The following SNTG1 variants were observed in gnomAD, a reference collection of about 807,000 sequenced individuals.
SNTG1 encodes syntrophin gamma 1, also known as gamma-1-syntrophin.
Under a neutral mutation model 74.7 loss-of-function variants are expected in SNTG1, and 39 were observed. The observed-to-expected ratio is 0.52, with a 90% CI of 0.40 to 0.68. The LOEUF (loss-of-function observed/expected upper bound fraction) is 0.68, where lower values mean the gene tolerates loss of function less well. Among genes scored for constraint, SNTG1 ranks in the 30% least tolerant of loss-of-function variants. The pLI, the probability that SNTG1 is intolerant of heterozygous loss-of-function variation, is 0.00. For missense variants in SNTG1, 685 were observed against 609.5 expected (o/e 1.12, Z -1.30); for synonymous variants, 254 against 217.1 (o/e 1.17, Z -1.49).
chr8:50,051,465 T>A (rs962342264), intron 1 of SNTG1, among the ~76,000 whole-genome samples: 3 of 152,146 alleles, frequency 2.0e-5, no homozygotes, highest in African/African-American at 4.8e-5. Flanking sequence ...CAAACATGTA[T>A]GCATTGTTTC....
chr8:50,584,562 G>A (rs1336809501), intron 12 of SNTG1, among the ~76,000 whole-genome samples: 2 of 147,982 alleles, frequency 1.4e-5, no homozygotes, highest in African/African-American at 5.0e-5. Flanking sequence ...TCCTGGGCTG[G>A]AGTGCAGTGG....
chr8:50,245,097 G>C (rs1456606495), intron 2 of SNTG1, among the ~76,000 whole-genome samples: 3 of 152,108 alleles, frequency 2.0e-5, no homozygotes, highest in Non-Finnish European at 4.4e-5. Flanking sequence ...TCATCTCAGT[G>C]CATGTGTACG....
chr8:49,958,864 C>T (rs1810426343), intron 1 of SNTG1, among the ~76,000 whole-genome samples: 1 of 152,166 alleles, frequency 6.6e-6, no homozygotes, highest in Admixed American at 6.5e-5. Context: ...AGAAATTTCT[C>T]CATTTGGGTC....
intron 15 of SNTG1, among the ~76,000 whole-genome samples, chr8:50,704,064 G>T (rs565758096): frequency 1.3e-5 from 2 of 151,776 alleles, no homozygotes; most frequent in African/African-American, 4.8e-5. Flanking sequence ...CATCAAAGTC[G>T]TTTTTTTGAT....
At chr8:50,576,682 T>G (rs2094578477) in intron 12 of SNTG1, among the ~76,000 whole-genome samples, 1 of 152,110 alleles carries the variant, frequency 6.6e-6, no homozygotes, top group Non-Finnish European at 1.5e-5. Flanking sequence ...CACCTCTTAC[T>G]TAATTCCTAA....
intron 1 of SNTG1, among the ~76,000 whole-genome samples, chr8:50,002,387 A>G (rs1338745068): frequency 1.3e-5 from 2 of 152,144 alleles, no homozygotes; most frequent in African/African-American, 4.8e-5. Flanking sequence ...TGTATGTAGA[A>G]AAAAAGATTT....
intron 17 of SNTG1, among the ~76,000 whole-genome samples, chr8:50,734,894 TGGAC>T (rs1281058158): frequency 7.2e-6 from 1 of 139,712 alleles, no homozygotes. Flanking sequence ...TCTATATATA[TGGAC>T]ATATATATAT....
chr8:50,776,545 TATA>T (rs1350986843), intron 18 of SNTG1, among the ~76,000 whole-genome samples: 4 of 148,572 alleles, frequency 2.7e-5, no homozygotes, highest in East Asian at 2.0e-4. Context: ...CTATTCTTTA[TATA>T]ATATTTTAAA....
chr8:50,776,853 A>G (rs1457257963), intron 18 of SNTG1, among the ~76,000 whole-genome samples: 2 of 151,932 alleles, frequency 1.3e-5, no homozygotes, highest in Non-Finnish European at 2.9e-5. Context: ...ATTTTGCTGG[A>G]TATAGGATTC....
rs142249592 is a variant in SNTG1 at position 50,572,763 on chromosome 8, T to C, written c.811-18116T>C. ...TGGTCATCTTGTATCCTTACACTAA[T>C]GTCGTTATTTGTCAAGTGAATTTAT... On this transcript the variant is annotated intron_variant, in intron 12 of 18. Transcript: ENST00000642720. Among the ~76,000 whole-genome samples the C allele has an allele frequency of 1.5e-3, 225 of 152,278 alleles. 2 individuals are homozygous for C. The highest frequency in any genetic ancestry group is 4.3e-3 in the African/African-American group (177 of 41,576).
At chr8:50,646,026 A>G (rs2095107085) in intron 13 of SNTG1, among the ~76,000 whole-genome samples, 1 of 152,114 alleles carries the variant, frequency 6.6e-6, no homozygotes, top group Admixed American at 6.6e-5. Flanking sequence ...TAAAAAAAGA[A>G]TATTTCCTGT....
intron 15 of SNTG1, among the ~76,000 whole-genome samples, chr8:50,683,177 T>C (rs2095338008): frequency 6.6e-6 from 1 of 152,288 alleles, no homozygotes; most frequent in South Asian, 2.1e-4. Context: ...ATCCATTTTT[T>C]GGTTGAATGC....
intron 4 of SNTG1, among the ~76,000 whole-genome samples, chr8:50,430,390 A>C (rs550760908): frequency 6.6e-5 from 10 of 152,142 alleles, no homozygotes; most frequent in Non-Finnish European, 1.5e-4. Flanking sequence ...AACCTCGTGA[A>C]ATTTTTAGCC....
intron 1 of SNTG1, among the ~76,000 whole-genome samples, chr8:49,939,988 T>A (rs1225916153): frequency 6.6e-6 from 1 of 152,186 alleles, no homozygotes; most frequent in African/African-American, 2.4e-5. Context: ...AGTAATAAGA[T>A]AATACATGAG....
chr8:50,244,313 T>C (rs1478075395), intron 2 of SNTG1, among the ~76,000 whole-genome samples: 1 of 152,070 alleles, frequency 6.6e-6, no homozygotes, highest in Non-Finnish European at 1.5e-5. Context: ...AACATGAGAT[T>C]TAAGAGGTGA....
chr8:50,324,065 A>G (rs2090637620), intron 2 of SNTG1, among the ~76,000 whole-genome samples: 1 of 152,034 alleles, frequency 6.6e-6, no homozygotes, highest in African/African-American at 2.4e-5. Context: ...TTTGTATCCT[A>G]TACTGCCTTT....
At position 50,760,681 on chromosome 8, in the gene SNTG1, T is replaced by C. The variant is rs553054871; in HGVS notation, c.1395+8570T>C. 6.6e-5 allele frequency among the ~76,000 whole-genome samples: 10 copies of C among 151,832 alleles called. 1 individual carries two copies. The South Asian group carries it at 2.1e-3, about 32-fold the overall frequency. ...AATCAAATAGACACAAAAAAAATGA[T>C]AAAAAGAATATCACCACTGATCACA... On this transcript the variant is annotated intron_variant, in intron 18 of 18. Coordinates refer to ENST00000642720, the MANE Select transcript of SNTG1 (RefSeq NM_018967.5).
At chr8:50,365,354 A>G (rs2092079959) in intron 2 of SNTG1, among the ~76,000 whole-genome samples, 1 of 152,164 alleles carries the variant, frequency 6.6e-6, no homozygotes, top group Non-Finnish European at 1.5e-5. Flanking sequence ...GAGTGAAAAC[A>G]TGGTTAGATG....
chr8:50,417,869 C>T (rs924307631), intron 4 of SNTG1, among the ~76,000 whole-genome samples: 1 of 152,058 alleles, frequency 6.6e-6, no homozygotes, highest in Non-Finnish European at 1.5e-5. Context: ...CTAAGGTCAC[C>T]ATCTAGTCAT....
Sources: allele counts gnomAD v4.1 joint callset (sites outside exome capture counted in the v4.1 genomes callset), GRCh38; gene constraint gnomAD v4.1.1; transcripts MANE v1.5; gene names NCBI Gene and HGNC (gene_info 2026-07-23, HGNC 2026-07-21).